Variants in GRIP2 observed in about 807,000 individuals in gnomAD.
GRIP2 encodes glutamate receptor interacting protein 2.
In GRIP2, 58 loss-of-function variants were observed where a neutral mutation model predicts 108.3. The observed-to-expected ratio is 0.54, with a 90% CI of 0.43 to 0.67. The LOEUF is 0.67. Among genes scored for constraint, GRIP2 ranks in the 30% least tolerant of loss-of-function variants. The pLI, the probability that GRIP2 is intolerant of heterozygous loss-of-function variation, is 0.00. For synonymous variants in GRIP2, 586 were observed against 598.2 expected (o/e 0.98, Z 0.30); for missense variants, 1,278 against 1,430.6 (o/e 0.89, Z 1.72).
chr3:14,539,626 T>C (rs1218315424), intron 1 of GRIP2, among the ~76,000 whole-genome samples: 1 of 152,142 alleles, frequency 6.6e-6, no homozygotes, highest in Non-Finnish European at 1.5e-5. Flanking sequence ...AGCTCCCTCT[T>C]TGGAGGAATA....
At chr3:14,523,802 A>T in intron 4 of GRIP2, 104 bp from the exon 5 acceptor site, 1 of 785,472 alleles carries the variant, frequency 1.3e-6, no homozygotes, top group Admixed American at 2.0e-5. Context: ...AGTCACAGAG[A>T]TTACAGGGAG....
intron 12 of GRIP2, 110 bp downstream of exon 12, chr3:14,514,182 G>C: frequency 5.9e-6 from 6 of 1,024,870 alleles, no homozygotes; most frequent in Non-Finnish European, 8.5e-6. Context: ...CTGGTGCTGG[G>C]GCTGATGCAA....
chr3:14,503,441 G>A lies in GRIP2; in HGVS notation c.2679+125C>T. ...ACACCTTTTCCCACAGGGTGCCCAG[G>A]TGAGTGCATACGTACACATTACACA... On this transcript the variant is annotated intron_variant, in intron 21 of 23. Coordinates refer to ENST00000621039, the MANE Select transcript of GRIP2 (RefSeq NM_001080423.4). 2 of 662,706 alleles carry A rather than the reference G, an allele frequency of 3.0e-6. 1 individual carries two copies. Among genetic ancestry groups the A allele is most frequent in the South Asian group, 3.8e-5 (2 of 51,996 alleles). 41.1% of individuals were successfully genotyped at this position (662,706 alleles called of 1,614,324 possible). A position where few individuals can be genotyped will look rare whatever the true frequency, so the allele number is the denominator to read the frequency against.
rs537436340 is a variant in GRIP2, at chr3:14,512,615, G to A, written c.1720+162C>T. 2.1e-4 allele frequency among the ~76,000 whole-genome samples: 32 copies of A among 152,310 alleles called. No individual in the cohort carries two copies. Among genetic ancestry groups the A allele is most frequent in the African/African-American group, 7.5e-4 (31 of 41,574 alleles). On this transcript the variant is annotated intron_variant, in intron 14 of 23. Transcript: ENST00000621039. This position sits in a 1 kb window ranked among gnomAD's most constrained non-coding sequence, Gnocchi z 5.1. ...GAAGCTGGGGTCTCGCTGAGAACAC[G>A]CAGCTGGGTCCACGGAAGCCAGCCT...
chr3:14,497,530 G>A (rs993000339), intron 21 of GRIP2, among the ~76,000 whole-genome samples: 4 of 152,296 alleles, frequency 2.6e-5, no homozygotes, highest in African/African-American at 7.2e-5. Flanking sequence ...AAGCAAACTC[G>A]GCGGCTGGTG....
chr3:14,567,065 C>G, the GRIP2 span, among the ~76,000 whole-genome samples: 2 of 152,152 alleles, frequency 1.3e-5, no homozygotes, highest in South Asian at 4.1e-4. Context: ...CGTCAACTGC[C>G]CAGCCTTGAG....
chr3:14,545,371 C>T (rs926845321), upstream of GRIP2, among the ~76,000 whole-genome samples: 9 of 152,344 alleles, frequency 5.9e-5, no homozygotes, highest in South Asian at 2.1e-4. Context: ...CCAGTGGCCC[C>T]GAGAAATGCA....
At chr3:14,525,618 C>G (rs1221589723) in intron 2 of GRIP2, 46 bp from the exon 3 acceptor site, 1 of 1,605,850 alleles carries the variant, frequency 6.2e-7, no homozygotes, top group South Asian at 1.1e-5. Flanking sequence ...GCTGGGGCCA[C>G]CCCAGGCCCC....
intron 1 of GRIP2, among the ~76,000 whole-genome samples, chr3:14,536,696 T>G (rs1353820654): frequency 2.0e-5 from 3 of 152,194 alleles, no homozygotes; most frequent in Non-Finnish European, 1.5e-5. Context: ...GGGTTGGCCT[T>G]CTGCGTTCTG....
Position 14,511,532 on chromosome 3 carries a change from G to C in GRIP2, c.1721-53C>G, listed in dbSNP as rs1694093842. On this transcript the variant is annotated intron_variant, in intron 14 of 23. Transcript: ENST00000621039. This position sits in a 1 kb window ranked among gnomAD's most constrained non-coding sequence, Gnocchi z 4.1. Reference sequence around the variant, plus strand: ...CCTTGGTGGCCTCAGCCTGGGGTGGGGTGGCGAAGCCCAGGGGTCTGAGTG... The same window carrying C: ...CCTTGGTGGCCTCAGCCTGGGGTGGCGTGGCGAAGCCCAGGGGTCTGAGTG... 1 of 1,577,484 alleles carries C rather than the reference G, an allele frequency of 6.3e-7. No homozygotes were observed. The highest frequency in any genetic ancestry group is 8.7e-7 in the Non-Finnish European group (1 of 1,151,834).
intron 1 of GRIP2, among the ~76,000 whole-genome samples, chr3:14,527,415 CGAGGG>C (rs146440304): frequency 0.44 from 55,444 of 126,482 alleles, 11,856 homozygotes; most frequent in South Asian, 0.61. Flanking sequence ...AGAAGGAAAG[CGAGGG>C]GAGGGGAGGG....
At chr3:14,563,977 T>C in the GRIP2 span, among the ~76,000 whole-genome samples, 2 of 152,008 alleles carry the variant, frequency 1.3e-5, no homozygotes, top group African/African-American at 4.8e-5. Context: ...CCCTTACCCA[T>C]CTTCTGCCCT....
At position 14,521,692 on chromosome 3, in the gene GRIP2, T is replaced by C. The variant is rs754977555; in HGVS notation, c.662A>G (p.Gln221Arg). ...CTGAAAGAGTGCCTCGTGGCTGCAC[T>C]GCCGCAGGGTGGCCAGGGCGGTGGC... Reference protein sequence around the residue: ...SHATALATLRQCSHEALFQVE... With the variant: ...SHATALATLRRCSHEALFQVE... The change falls in exon 7 of 24, where the codon CAG (glutamine) becomes CGG (arginine). Residue 221 changes from glutamine to arginine, a missense_variant. By Grantham distance (43) the Gln-to-Arg change is conservative. Coordinates refer to ENST00000621039, the MANE Select transcript of GRIP2 (RefSeq NM_001080423.4). The surrounding 1 kb of genome is among the most constrained non-coding windows in gnomAD (Gnocchi z 5.1). 16 of 1,611,790 alleles carry C rather than the reference T, an allele frequency of 9.9e-6. No homozygotes were observed. The highest frequency in any genetic ancestry group is 1.4e-5 in the Non-Finnish European group (16 of 1,179,264).
At chr3:14,575,030 G>C in the GRIP2 span, among the ~76,000 whole-genome samples, 2 of 152,194 alleles carry the variant, frequency 1.3e-5, no homozygotes, top group African/African-American at 4.8e-5. Flanking sequence ...AAGGTCAGGA[G>C]GGTGGGTACC....
upstream of GRIP2, chr3:14,542,016 A>C: frequency 7.4e-7 from 1 of 1,353,396 alleles, no homozygotes; most frequent in South Asian, 1.2e-5. Flanking sequence ...GCTCTAACAG[A>C]TCCTCACCCC....
At chr3:14,591,895 C>A in the GRIP2 span, among the ~76,000 whole-genome samples, 1 of 152,170 alleles carries the variant, frequency 6.6e-6, no homozygotes, top group Non-Finnish European at 1.5e-5. Flanking sequence ...GCCCAGGAGG[C>A]ACATCAAGAG....
At chr3:14,520,627 G>T in intron 7 of GRIP2, 90 bp from the exon 8 acceptor site, 2 of 1,383,338 alleles carry the variant, frequency 1.4e-6, no homozygotes, top group Middle Eastern at 1.8e-4. Flanking sequence ...AATCCTTGCT[G>T]CCTGGAAGAA....
Position 14,512,722 on chromosome 3 carries a change from T to G in GRIP2, c.1720+55A>C. ...CTGGTCTGAGCTTGGCAAGCTCTTTTTCCCCAGCAGTTGAGCTCGCTCCCA... is the reference window on the plus strand; with the variant it reads ...CTGGTCTGAGCTTGGCAAGCTCTTTGTCCCCAGCAGTTGAGCTCGCTCCCA... On this transcript the variant is annotated intron_variant, in intron 14 of 23. Coordinates refer to ENST00000621039, the MANE Select transcript of GRIP2 (RefSeq NM_001080423.4). This position sits in a 1 kb window ranked among gnomAD's most constrained non-coding sequence, Gnocchi z 5.1. The G allele has an allele frequency of 6.5e-7, 1 of 1,534,632 alleles. No individual in the cohort carries two copies. Among genetic ancestry groups the G allele is most frequent in the Non-Finnish European group, 9.0e-7 (1 of 1,112,652 alleles).
the GRIP2 span, among the ~76,000 whole-genome samples, chr3:14,590,322 C>A: frequency 5.2e-4 from 79 of 152,280 alleles, no homozygotes; most frequent in African/African-American, 1.8e-3. Flanking sequence ...ACTCAGATAT[C>A]ATTCTTTATC....
Sources: allele counts gnomAD v4.1 joint callset (sites outside exome capture counted in the v4.1 genomes callset), GRCh38; gene constraint gnomAD v4.1.1; non-coding constraint Gnocchi (gnomAD v3.1); transcripts MANE v1.5; gene names NCBI Gene and HGNC (gene_info 2026-07-23, HGNC 2026-07-21).